The following NCOA2 variants were observed in gnomAD, a reference collection of about 807,000 sequenced individuals.
The protein encoded by NCOA2 is nuclear receptor coactivator 2.
A neutral mutation model predicts 145.1 loss-of-function variants in NCOA2; 21 were observed. The observed-to-expected ratio is 0.14, with a 90% CI of 0.10 to 0.21. The LOEUF is 0.21. Among genes scored for constraint, NCOA2 ranks in the 10% least tolerant of loss-of-function variants. The pLI is 1.00. For missense variants in NCOA2, 1,472 were observed against 1,837.6 expected (o/e 0.80, Z 3.64); for synonymous variants, 619 against 637.5 (o/e 0.97, Z 0.44).
chr8:70,126,723 A>C, intron 19 of NCOA2, 90 bp downstream of exon 19: 1 of 1,100,136 alleles, frequency 9.1e-7, no homozygotes, highest in Non-Finnish European at 1.4e-6. Flanking sequence ...GAGCCATGCA[A>C]AGAGCTGTGA....
chr8:70,434,969 T>G, the NCOA2 span, among the ~76,000 whole-genome samples: 1 of 152,172 alleles, frequency 6.6e-6, no homozygotes, highest in African/African-American at 2.4e-5. Flanking sequence ...GGAGATATTT[T>G]AGACATATTT....
chr8:70,236,362 A>G (rs1821604074), intron 2 of NCOA2, among the ~76,000 whole-genome samples: 1 of 152,102 alleles, frequency 6.6e-6, no homozygotes, highest in South Asian at 2.1e-4. Flanking sequence ...CTTATGATCT[A>G]GCCCATACCT....
intron 1 of NCOA2, among the ~76,000 whole-genome samples, chr8:70,367,141 G>A (rs1028154465): frequency 7.9e-5 from 12 of 152,220 alleles, no homozygotes; most frequent in African/African-American, 2.9e-4. Context: ...AAAAATTATT[G>A]TTTTAGAAAT....
intron 2 of NCOA2, among the ~76,000 whole-genome samples, chr8:70,281,562 C>A (rs924343764): frequency 3.9e-5 from 6 of 151,974 alleles, no homozygotes; most frequent in African/African-American, 1.5e-4. Flanking sequence ...CCCAGAAAAG[C>A]CTCTAAACTA....
intron 1 of NCOA2, among the ~76,000 whole-genome samples, chr8:70,350,547 TA>T (rs1168318416): frequency 2.6e-5 from 4 of 152,240 alleles, no homozygotes; most frequent in Admixed American, 2.0e-4. Context: ...GTTTACTTAC[TA>T]AATCAATGTG....
At chr8:70,270,567 C>T (rs116730477) in intron 2 of NCOA2, among the ~76,000 whole-genome samples, 12,140 of 145,584 alleles carry the variant, frequency 0.083, 567 homozygotes, top group Admixed American at 0.13. Flanking sequence ...GGGTGGCTGG[C>T]GGGGGTGGGG....
intron 2 of NCOA2, among the ~76,000 whole-genome samples, chr8:70,241,091 T>A (rs1822085658): frequency 6.6e-6 from 1 of 152,142 alleles, no homozygotes; most frequent in Admixed American, 6.6e-5. Context: ...TCCTCCTCTT[T>A]ATGGAATCCC....
chr8:70,138,824 T>G (rs1238837897), intron 14 of NCOA2, among the ~76,000 whole-genome samples: 1 of 152,274 alleles, frequency 6.6e-6, no homozygotes, highest in East Asian at 1.9e-4. Flanking sequence ...GTTAATGGAA[T>G]AGAGTGAAAT....
chr8:70,177,761 G>A (rs758864300), intron 4 of NCOA2, among the ~76,000 whole-genome samples: 2 of 152,170 alleles, frequency 1.3e-5, no homozygotes, highest in Non-Finnish European at 2.9e-5. Context: ...TTAGGTTAAT[G>A]TTGCGGGAGA....
intron 2 of NCOA2, among the ~76,000 whole-genome samples, chr8:70,281,491 G>T (rs995487509): frequency 1.3e-5 from 2 of 151,776 alleles, no homozygotes; most frequent in Non-Finnish European, 2.9e-5. Flanking sequence ...AAAAGATTAT[G>T]CTGTGGCCTC....
chr8:70,448,189 A>T, the NCOA2 span, among the ~76,000 whole-genome samples: 3 of 152,180 alleles, frequency 2.0e-5, no homozygotes, highest in Non-Finnish European at 2.9e-5. Context: ...TCCTCAAGAA[A>T]ATTAGAGGAC....
At chr8:70,424,596 G>T in the NCOA2 span, 1 of 470,612 alleles carries the variant, frequency 2.1e-6, no homozygotes, top group Non-Finnish European at 4.3e-6. Flanking sequence ...ACAAGCGGCG[G>T]TGTGCAGGCC....
rs147193250 is a variant in NCOA2, at chr8:70,155,576, C to CA, written c.2394+394dup. Among the ~76,000 whole-genome samples the CA allele has an allele frequency of 7.6e-3, 1,151 of 152,260 alleles. 16 individuals are homozygous for CA. The highest frequency in any genetic ancestry group is 0.031 in the Middle Eastern group (9 of 294). On this transcript the variant is annotated intron_variant, in intron 11 of 22. Coordinates refer to ENST00000452400, the MANE Select transcript of NCOA2 (RefSeq NM_006540.4). The stretch of plus-strand genomic sequence containing the variant: ...AAAACATTTTAAATATTTTGTGACA[C>CA]ATGATAATTCCATGAAATTCAAATT...
chr8:70,207,884 AAAG>A (rs1197268154), intron 4 of NCOA2, among the ~76,000 whole-genome samples: 153 of 144,230 alleles, frequency 1.1e-3, no homozygotes, highest in African/African-American at 3.1e-3. Flanking sequence ...AAAAAAAAAA[AAAG>A]AAGAAGAAGA....
At chr8:70,363,405 G>A (rs1185766613) in intron 1 of NCOA2, among the ~76,000 whole-genome samples, 5 of 150,034 alleles carry the variant, frequency 3.3e-5, no homozygotes, top group Non-Finnish European at 4.4e-5. Flanking sequence ...AAGTAAACAA[G>A]TTTAAACTTA....
intron 1 of NCOA2, among the ~76,000 whole-genome samples, chr8:70,398,123 A>G (rs1813864692): frequency 6.6e-6 from 1 of 152,170 alleles, no homozygotes; most frequent in Admixed American, 6.5e-5. Context: ...GAATGAAGCA[A>G]TAGTAAAGTC....
At chr8:70,267,396 T>G (rs868540407) in intron 2 of NCOA2, among the ~76,000 whole-genome samples, 1,557 of 148,156 alleles carry the variant, frequency 0.011, 28 homozygotes, top group African/African-American at 0.038. Context: ...CTTTCTGTTT[T>G]TTTTTTTTTT....
chr8:70,211,484 G>C (rs137962182), intron 4 of NCOA2, among the ~76,000 whole-genome samples: 1 of 151,882 alleles, frequency 6.6e-6, no homozygotes, highest in East Asian at 1.9e-4. Flanking sequence ...AGAAAAAACA[G>C]CATCTTTCTG....
At chr8:70,134,747 T>A (rs1487557412) in intron 15 of NCOA2, among the ~76,000 whole-genome samples, 1 of 152,186 alleles carries the variant, frequency 6.6e-6, no homozygotes, top group East Asian at 1.9e-4. Flanking sequence ...CATCATAAAA[T>A]CACTTTTTGT....
Sources: allele counts gnomAD v4.1 joint callset (sites outside exome capture counted in the v4.1 genomes callset), GRCh38; gene constraint gnomAD v4.1.1; transcripts MANE v1.5; gene names NCBI Gene and HGNC (gene_info 2026-07-23, HGNC 2026-07-21).